ADAMTS6: variants seen among roughly 807,000 people sequenced by gnomAD.
The protein encoded by ADAMTS6 is ADAM metallopeptidase with thrombospondin type 1 motif 6, also known as A disintegrin and metalloproteinase with thrombospondin motifs 6.
Under a neutral mutation model 144.3 loss-of-function variants are expected in ADAMTS6, and 23 were observed. That is an observed-to-expected ratio of 0.16 (90% CI 0.11 to 0.23). The LOEUF (loss-of-function observed/expected upper bound fraction) is 0.23. Ranked by LOEUF, ADAMTS6 falls within the 10% of genes least tolerant of loss-of-function variation. The pLI is 1.00. For missense variants in ADAMTS6, 999 were observed against 1,379.6 expected, an observed-to-expected ratio of 0.72 and a Z score of 4.37; for synonymous variants, 444 against 457.5, an observed-to-expected ratio of 0.97 and a Z score of 0.38.
At chr5:65,249,052 T>C (rs2112531122) in intron 14 of ADAMTS6, among the ~76,000 whole-genome samples, 1 of 152,208 alleles carries the variant, frequency 6.6e-6, no homozygotes, top group African/African-American at 2.4e-5. Flanking sequence ...TGTGTGTATG[T>C]TACAGGTAGT....
intron 24 of ADAMTS6, among the ~76,000 whole-genome samples, chr5:65,156,489 C>T (rs1232387335): frequency 6.6e-6 from 1 of 152,084 alleles, no homozygotes; most frequent in Non-Finnish European, 1.5e-5. Context: ...GAATGATTTA[C>T]AGTTGGCATT....
At chr5:65,433,665 T>G (rs1392617339) in intron 7 of ADAMTS6, among the ~76,000 whole-genome samples, 1 of 152,170 alleles carries the variant, frequency 6.6e-6, no homozygotes, top group Non-Finnish European at 1.5e-5. Context: ...TATAACTAGC[T>G]ATCAGTGAGC....
At chr5:65,352,435 C>T (rs796749694) in intron 7 of ADAMTS6, among the ~76,000 whole-genome samples, 9 of 152,152 alleles carry the variant, frequency 5.9e-5, no homozygotes, top group African/African-American at 2.2e-4. Context: ...CGGTTTTTGG[C>T]TAAGCTACTC....
chr5:65,223,107 G>A (rs1482636959), intron 18 of ADAMTS6, among the ~76,000 whole-genome samples: 1 of 152,074 alleles, frequency 6.6e-6, no homozygotes, highest in Non-Finnish European at 1.5e-5. Context: ...AGGATGTAGA[G>A]CAGCTGGAAC....
chr5:65,374,845 C>T (rs1451690028), intron 7 of ADAMTS6, among the ~76,000 whole-genome samples: 1 of 152,176 alleles, frequency 6.6e-6, no homozygotes, highest in Admixed American at 6.5e-5. Flanking sequence ...CATCACACTA[C>T]CTGACTTCAA....
intron 15 of ADAMTS6, among the ~76,000 whole-genome samples, chr5:65,235,393 G>A (rs1758588034): frequency 6.6e-6 from 1 of 152,196 alleles, no homozygotes; most frequent in African/African-American, 2.4e-5. Context: ...TAAGGCTGTT[G>A]TGATGGTTAA....
chr5:65,373,213 C>G (rs1481732890), intron 7 of ADAMTS6, among the ~76,000 whole-genome samples: 2 of 149,980 alleles, frequency 1.3e-5, no homozygotes, highest in Non-Finnish European at 3.0e-5. Context: ...AAAGCAAGAG[C>G]AAACACATTC....
intron 11 of ADAMTS6, among the ~76,000 whole-genome samples, chr5:65,286,033 A>C (rs1763336028): frequency 6.6e-6 from 1 of 152,174 alleles, no homozygotes; most frequent in South Asian, 2.1e-4. Flanking sequence ...CCAAAGTACA[A>C]AAGGTTCAGA....
chr5:65,334,929 G>T (rs1266583321), intron 7 of ADAMTS6, among the ~76,000 whole-genome samples: 1 of 152,004 alleles, frequency 6.6e-6, no homozygotes, highest in East Asian at 1.9e-4. Context: ...AATGTAAAAG[G>T]CTAAAAATTT....
chr5:65,155,067 G>C (rs1191304432), intron 24 of ADAMTS6, among the ~76,000 whole-genome samples: 1 of 152,122 alleles, frequency 6.6e-6, no homozygotes, highest in East Asian at 1.9e-4. Context: ...GGCCTGACTA[G>C]AAGAATCAGT....
rs781272774 is a variant in ADAMTS6 at position 65,170,737 on chromosome 5, T to A, written c.3124A>T (p.Thr1042Ser). The A allele has an allele frequency of 8.1e-6, 13 of 1,614,066 alleles. No individual in the cohort carries two copies. The highest frequency in any genetic ancestry group is 1.7e-6 in the Non-Finnish European group (2 of 1,180,032). Residue 1042 changes from threonine to serine, a missense_variant, in exon 24 of 25, where the codon ACT (threonine) becomes TCT (serine). By Grantham distance (58) the Thr-to-Ser change is moderately conservative. This residue lies in a region of ADAMTS6 where 619 missense variants were observed against 837.0 expected (regional missense o/e 0.74). Coordinates refer to ENST00000381055, the MANE Select transcript of ADAMTS6 (RefSeq NM_197941.4). ...CCGGTGTAGGAGAGACACTGCACAG[T>A]TCTCATCTGCTGTCCAAGGCCACAC... is the stretch of plus-strand genomic sequence containing the variant. ...AQCGLGQQMR[T>S]VQCLSYTGQA...
At chr5:65,307,193 T>C (rs901744906) in intron 9 of ADAMTS6, among the ~76,000 whole-genome samples, 5 of 152,230 alleles carry the variant, frequency 3.3e-5, no homozygotes, top group Admixed American at 3.3e-4. Context: ...TGCTTAGTTT[T>C]ATAAGAAACT....
At chr5:65,444,951 A>C (rs992666252) in intron 7 of ADAMTS6, among the ~76,000 whole-genome samples, 8 of 152,332 alleles carry the variant, frequency 5.3e-5, no homozygotes, top group African/African-American at 1.9e-4. Flanking sequence ...TATCTCATGC[A>C]GTTATTTAAG....
At chr5:65,343,404 A>G (rs1236467433) in intron 7 of ADAMTS6, among the ~76,000 whole-genome samples, 1 of 152,040 alleles carries the variant, frequency 6.6e-6, no homozygotes, top group Non-Finnish European at 1.5e-5. Flanking sequence ...TATACGGCCA[A>G]TTGATTTTTG....
intron 14 of ADAMTS6, among the ~76,000 whole-genome samples, chr5:65,253,180 T>C (rs560617053): frequency 2.2e-4 from 34 of 152,242 alleles, no homozygotes; most frequent in Non-Finnish European, 3.5e-4. Context: ...CTGTGAGCCA[T>C]GGTACCCAGC....
chr5:65,241,107 A>G (rs906714669), intron 15 of ADAMTS6, among the ~76,000 whole-genome samples: 1 of 152,170 alleles, frequency 6.6e-6, no homozygotes, highest in African/African-American at 2.4e-5. Flanking sequence ...TGAAGAAAGT[A>G]TAGTAAAACG....
intron 3 of ADAMTS6, among the ~76,000 whole-genome samples, chr5:65,467,773 T>C (rs2150278409): frequency 6.6e-6 from 1 of 152,282 alleles, no homozygotes; most frequent in East Asian, 1.9e-4. Flanking sequence ...AGGTAATTTT[T>C]GAAGATATTC....
intron 14 of ADAMTS6, among the ~76,000 whole-genome samples, chr5:65,254,820 T>C (rs1285270298): frequency 6.6e-6 from 1 of 152,182 alleles, no homozygotes; most frequent in Non-Finnish European, 1.5e-5. Context: ...TAGATTTATG[T>C]TGAAAGAATG....
chr5:65,229,433 A>T (rs1433582626), intron 15 of ADAMTS6, among the ~76,000 whole-genome samples: 1 of 152,190 alleles, frequency 6.6e-6, no homozygotes, highest in Non-Finnish European at 1.5e-5. Context: ...CCAAAGAAAC[A>T]TGGTAATATT....
Sources: allele counts gnomAD v4.1 joint callset (sites outside exome capture counted in the v4.1 genomes callset), GRCh38; gene constraint gnomAD v4.1.1; regional missense constraint gnomAD v4.1.1; transcripts MANE v1.5; gene names NCBI Gene and HGNC (gene_info 2026-07-23, HGNC 2026-07-21).